MTERF3: variants seen among roughly 807,000 people sequenced by gnomAD.
MTERF3 encodes mitochondrial transcription termination factor 3.
Under a neutral mutation model 40.5 loss-of-function variants are expected in MTERF3, and 40 were observed. That is an observed-to-expected ratio of 0.99 (90% CI 0.77 to 1.29). The LOEUF is 1.29. Ranked by LOEUF, MTERF3 falls within the 50% of genes most tolerant of loss-of-function variation. The pLI is 0.00. For missense variants in MTERF3, 452 were observed against 478.2 expected (o/e 0.95, Z 0.51); for synonymous variants, 158 against 166.6 (o/e 0.95, Z 0.40).
intron 4 of MTERF3, among the ~76,000 whole-genome samples, chr8:96,249,847 A>G (rs187351745): frequency 1.3e-5 from 2 of 152,326 alleles, no homozygotes; most frequent in East Asian, 3.9e-4. Flanking sequence ...GGCTTTCATG[A>G]TTTATTAGAT....
At chr8:96,244,423 C>T (rs1003382033) in intron 6 of MTERF3, among the ~76,000 whole-genome samples, 2 of 146,724 alleles carry the variant, frequency 1.4e-5, no homozygotes, top group Admixed American at 6.9e-5. Flanking sequence ...TTTTTTGAGA[C>T]GGAGTCTCGC....
In MTERF3 at chr8:96,250,943, C is replaced by A. The variant is rs770839197; in HGVS notation, c.640G>T (p.Ala214Ser). The A allele has an allele frequency of 6.2e-7, 1 of 1,609,258 alleles. No individual in the cohort carries two copies. Among genetic ancestry groups the A allele is most frequent in the Non-Finnish European group, 8.5e-7 (1 of 1,178,868 alleles). ...TTTTCAAGGTCTTCAGAGAAAATTGCATGATTTTTTGTCAGGAATGCTCCC... is the reference window on the plus strand; with the variant it reads ...TTTTCAAGGTCTTCAGAGAAAATTGAATGATTTTTTGTCAGGAATGCTCCC... ...QLGAFLTKNH[A>S]IFSEDLENLK... Residue 214 changes from alanine (A) to serine (S), a missense_variant, in exon 4 of 8, where the codon GCA becomes TCA. Transcript: ENST00000287025.
At chr8:96,254,183 A>G (rs904634156) in intron 3 of MTERF3, among the ~76,000 whole-genome samples, 1 of 152,232 alleles carries the variant, frequency 6.6e-6, no homozygotes, top group Non-Finnish European at 1.5e-5. Context: ...TATGGGATAC[A>G]ACATGCTGTT....
chr8:96,255,193 C>A (rs900055601), intron 3 of MTERF3, among the ~76,000 whole-genome samples: 3 of 152,142 alleles, frequency 2.0e-5, no homozygotes, highest in Non-Finnish European at 4.4e-5. Flanking sequence ...AGATAGGAGG[C>A]TCCTGCAGCC....
intron 3 of MTERF3, among the ~76,000 whole-genome samples, chr8:96,253,068 A>C (rs1364931089): frequency 1.3e-5 from 2 of 152,164 alleles, no homozygotes; most frequent in African/African-American, 4.8e-5. Context: ...GCTTTACCTC[A>C]TCAGTTCAGT....
intron 4 of MTERF3, among the ~76,000 whole-genome samples, chr8:96,247,844 G>A (rs1810050437): frequency 6.6e-6 from 1 of 152,104 alleles, no homozygotes; most frequent in Non-Finnish European, 1.5e-5. Context: ...ACATGTCTCA[G>A]AGACAGAACT....
chr8:96,253,063 A>C (rs1387558354), intron 3 of MTERF3, among the ~76,000 whole-genome samples: 1 of 152,216 alleles, frequency 6.6e-6, no homozygotes, highest in African/African-American at 2.4e-5. Context: ...GTTGGGCTTT[A>C]CCTCATCAGT....
intron 7 of MTERF3, among the ~76,000 whole-genome samples, chr8:96,243,273 T>C (rs1270913834): frequency 1.3e-5 from 2 of 152,208 alleles, no homozygotes; most frequent in African/African-American, 4.8e-5. Flanking sequence ...GCTATTTGCA[T>C]AGGAAATAGG....
intron 4 of MTERF3, among the ~76,000 whole-genome samples, chr8:96,250,664 A>AGACGAAGAAGACGAAGAC: frequency 2.7e-5 from 1 of 36,690 alleles, no homozygotes; most frequent in East Asian, 5.1e-4. Flanking sequence ...AAGAAGAAGA[A>AGACGAAGAAGACGAAGAC]GAAGAAGAAG....
chr8:96,250,422 T>G (rs938881247), intron 4 of MTERF3, among the ~76,000 whole-genome samples: 2 of 146,498 alleles, frequency 1.4e-5, no homozygotes, highest in Non-Finnish European at 1.5e-5. Flanking sequence ...ATAAAAATAA[T>G]AATGGAGCCA....
chr8:96,239,979 G>A lies in MTERF3; in HGVS notation c.1060-294C>T, dbSNP rs59682609. ...GAATGTGTTAAAAAAGCAAATCTTC[G>A]GCCGGGCGTGGTGGCTCACGCCTTT... On this transcript the variant is annotated intron_variant, in intron 7 of 7. Coordinates refer to ENST00000287025, the MANE Select transcript of MTERF3 (RefSeq NM_015942.5). 2.2e-3 allele frequency: 1,274 copies of A among 583,024 alleles called. 8 individuals are homozygous for A. The highest frequency in any genetic ancestry group is 0.021 in the African/African-American group (1,110 of 52,722). The allele number at this position is 583,024 out of a possible 1,614,324, so 36.1% of individuals were successfully genotyped here.
intron 4 of MTERF3, among the ~76,000 whole-genome samples, chr8:96,250,634 A>AGAAGAGGAAGAAGAAGAG: frequency 4.1e-5 from 1 of 24,390 alleles, no homozygotes; most frequent in Middle Eastern, 0.012. Context: ...AAGAAGAAGA[A>AGAAGAGGAAGAAGAAGAG]GAAGAAGAAG....
chr8:96,257,041 G>C lies in MTERF3; in HGVS notation c.408C>G (p.Asp136Glu). The change falls in exon 3 of 8, where the codon GAC becomes GAG. Residue 136 changes from aspartate to glutamate, a missense_variant. By Grantham distance (45) the Asp-to-Glu change is conservative. Coordinates refer to ENST00000287025, the MANE Select transcript of MTERF3 (RefSeq NM_015942.5). Reference sequence around the variant, plus strand: ...TGAATGAAGCTGGTGGCAATGGAGGGTCTGCAATAATCTGAATAGCCTCTT... The same window carrying C: ...TGAATGAAGCTGGTGGCAATGGAGGCTCTGCAATAATCTGAATAGCCTCTT... ...SEEEAIQIIA[D>E]PPLPPASFTL... The C allele has an allele frequency of 6.2e-7, 1 of 1,613,962 alleles. No individual in the cohort carries two copies. Among genetic ancestry groups the C allele is most frequent in the South Asian group, 1.1e-5 (1 of 91,072 alleles).
chr8:96,239,875 A>G (rs1222598042), intron 7 of MTERF3, 190 bp from the exon 8 acceptor site: 13 of 700,986 alleles, frequency 1.9e-5, no homozygotes, highest in Non-Finnish European at 3.4e-5. Flanking sequence ...GGGATTCAAA[A>G]TCAACATACA....
Position 96,250,655 on chromosome 8 carries a change from AG to A in MTERF3, c.677+250del, listed in dbSNP as rs1362770625. 4.2e-4 allele frequency among the ~76,000 whole-genome samples: 16 copies of A among 37,806 alleles called. 1 individual carries two copies. The highest frequency in any genetic ancestry group is 1.7e-3 in the African/African-American group (15 of 8,764). The allele number at this position is 37,806 out of a possible 152,430, so 24.8% of individuals were successfully genotyped here. Reference sequence around the variant, plus strand: ...AAGAAGAAGAAGAAGAAGAAGAAGAAGAAGAAGAAGAAGAAGAAGAAGAAGA... The same window carrying A: ...AAGAAGAAGAAGAAGAAGAAGAAGAAAAGAAGAAGAAGAAGAAGAAGAAGA... On this transcript the variant is annotated intron_variant, in intron 4 of 7. Transcript: ENST00000287025.
At chr8:96,257,245 G>T in intron 2 of MTERF3, 131 bp from the exon 3 acceptor site, 1 of 940,090 alleles carries the variant, frequency 1.1e-6, no homozygotes. Flanking sequence ...AAACATCCAA[G>T]TCCCTAATTT....
chr8:96,244,976 C>A (rs1809995750), intron 6 of MTERF3, among the ~76,000 whole-genome samples: 2 of 152,162 alleles, frequency 1.3e-5, no homozygotes, highest in Non-Finnish European at 1.5e-5. Flanking sequence ...AGCTTTTGCT[C>A]CCAAGTACAC....
intron 3 of MTERF3, among the ~76,000 whole-genome samples, chr8:96,253,848 A>G (rs1563550941): frequency 6.6e-6 from 1 of 151,762 alleles, no homozygotes; most frequent in Non-Finnish European, 1.5e-5. Context: ...CTATTTAAAA[A>G]AAAAAAAAAA....
chr8:96,256,818 G>C (rs11986713), intron 3 of MTERF3, 144 bp downstream of exon 3: 1 of 573,130 alleles, frequency 1.7e-6, no homozygotes, highest in Non-Finnish European at 2.7e-6. Flanking sequence ...CAGGGAATAC[G>C]GTTTCTCACT....
Sources: gnomAD v4.1 joint callset for allele counts (sites outside exome capture counted in the v4.1 genomes callset) on GRCh38, gnomAD v4.1.1 for gene constraint, MANE v1.5 for transcripts, NCBI Gene and HGNC (gene_info 2026-07-23, HGNC 2026-07-21) for gene names.